The following TBXAS1 variants were observed in gnomAD, a reference collection of about 807,000 sequenced individuals.
TBXAS1 encodes the protein thromboxane A synthase 1.
In TBXAS1, 48 loss-of-function variants were observed where a neutral mutation model predicts 60.7. The ratio of observed to expected loss-of-function variants is 0.79; its 90% CI spans 0.63 to 1.01. The LOEUF (loss-of-function observed/expected upper bound fraction) is 1.01. Ranked by LOEUF, TBXAS1 falls within the 50% of genes least tolerant of loss-of-function variation. The pLI, the probability that TBXAS1 is intolerant of heterozygous loss-of-function variation, is 0.00. For missense variants in TBXAS1, 685 were observed against 686.3 expected, an observed-to-expected ratio of 1.00 and a Z score of 0.02; for synonymous variants, 287 against 269.7, an observed-to-expected ratio of 1.06 and a Z score of -0.63.
chr7:139,946,696 T>C (rs527604966), intron 5 of TBXAS1, among the ~76,000 whole-genome samples: 1 of 152,310 alleles, frequency 6.6e-6, no homozygotes, highest in Admixed American at 6.5e-5. Flanking sequence ...ACAACTACCA[T>C]GTTTACACCA....
At chr7:139,954,900 G>T (rs920685218) in intron 6 of TBXAS1, among the ~76,000 whole-genome samples, 1 of 152,174 alleles carries the variant, frequency 6.6e-6, no homozygotes, top group African/African-American at 2.4e-5. Context: ...AAGAGCCCTT[G>T]CTTTTTGTTC....
In TBXAS1 at chr7:139,999,386, TG is replaced by T. The variant is rs1392267575; in HGVS notation, c.1135-7703del. On this transcript the variant is annotated intron_variant, in intron 9 of 12. Transcript: ENST00000448866. This position sits in a 1 kb window ranked among gnomAD's most constrained non-coding sequence, Gnocchi z 4.3. ...TAAAAATACAATAACTACGTGGGCA[TG>T]GTGGTGAGCGCCTGTAATTCCAGCT... is the stretch of plus-strand genomic sequence containing the variant. Among the ~76,000 whole-genome samples the T allele has an allele frequency of 6.6e-6, 1 of 152,134 alleles. No homozygotes were observed. The highest frequency in any genetic ancestry group is 1.5e-5 in the Non-Finnish European group (1 of 68,020).
intron 1 of TBXAS1, among the ~76,000 whole-genome samples, chr7:139,859,581 G>A (rs1474508883): frequency 6.6e-6 from 1 of 152,114 alleles, no homozygotes; most frequent in Non-Finnish European, 1.5e-5. Context: ...CTTTTAAAAT[G>A]AATTCATTTC....
intron 5 of TBXAS1, chr7:139,952,605 G>A (rs1324548381): frequency 3.3e-6 from 5 of 1,537,076 alleles, no homozygotes; most frequent in Non-Finnish European, 4.4e-6. Context: ...TGGCCAGCAG[G>A]CTCCACAAAG....
chr7:139,946,620 C>T (rs1412912725), intron 5 of TBXAS1, among the ~76,000 whole-genome samples: 5 of 152,058 alleles, frequency 3.3e-5, no homozygotes, highest in Non-Finnish European at 7.4e-5. Flanking sequence ...CCCTGAGGAA[C>T]AAGAAAAGAG....
chr7:139,851,813 GAGGGC>G (rs1229271455), intron 1 of TBXAS1, among the ~76,000 whole-genome samples: 8 of 152,304 alleles, frequency 5.3e-5, no homozygotes, highest in Admixed American at 1.3e-4. Flanking sequence ...CAGCCTCCAA[GAGGGC>G]CCTCTGGATC....
intron 1 of TBXAS1, 126 bp downstream of exon 1, chr7:139,829,605 T>C: frequency 1.2e-6 from 1 of 843,120 alleles, no homozygotes; most frequent in Admixed American, 2.1e-5. Context: ...GAGTGAGTAT[T>C]AACACAGCTT....
At chr7:139,970,655 G>A (rs867324244) in intron 9 of TBXAS1, among the ~76,000 whole-genome samples, 56 of 152,290 alleles carry the variant, frequency 3.7e-4, no homozygotes, top group African/African-American at 1.3e-3. Flanking sequence ...TTATTGAGTG[G>A]GAGATGAAGT....
chr7:139,987,763 C>A (rs970844172), intron 9 of TBXAS1, among the ~76,000 whole-genome samples: 2 of 152,316 alleles, frequency 1.3e-5, no homozygotes, highest in African/African-American at 2.4e-5. Flanking sequence ...TAGTTCCAGA[C>A]GTTTTTTGTC....
chr7:139,838,789 G>A (rs996450543), intron 1 of TBXAS1, among the ~76,000 whole-genome samples: 2 of 152,200 alleles, frequency 1.3e-5, no homozygotes, highest in African/African-American at 4.8e-5. Flanking sequence ...GTGTGGCTGA[G>A]CTCTGTGAAC....
intron 3 of TBXAS1, among the ~76,000 whole-genome samples, chr7:139,784,157 TTCCC>T (rs1217006646): frequency 1.4e-5 from 2 of 147,966 alleles, no homozygotes; most frequent in Non-Finnish European, 3.0e-5. Context: ...GCCTTCCCCC[TTCCC>T]TCCCTCCCTC....
intron 4 of TBXAS1, among the ~76,000 whole-genome samples, chr7:139,817,046 TCCTTCCC>T (rs1569493914): frequency 2.0e-5 from 3 of 152,166 alleles, no homozygotes; most frequent in Non-Finnish European, 2.9e-5. Context: ...CCTCTCCTTG[TCCTTCCC>T]AATCAGTTGC....
At chr7:139,870,432 G>T (rs1310192764) in intron 1 of TBXAS1, among the ~76,000 whole-genome samples, 1 of 152,190 alleles carries the variant, frequency 6.6e-6, no homozygotes, top group Non-Finnish European at 1.5e-5. Flanking sequence ...ACACGAATTT[G>T]AGGATGTTAA....
chr7:139,986,785 GTGTGTGTGTGTGTGTATATATATATA>G lies in TBXAS1; in HGVS notation c.1135-20304_1135-20279del, dbSNP rs1569522795. Among the ~76,000 whole-genome samples the G allele has an allele frequency of 6.0e-3, 303 of 50,084 alleles. 7 individuals carry two copies. The East Asian group carries it at 0.14, about 23-fold the overall frequency. 32.9% of individuals were successfully genotyped at this position (50,084 alleles called of 152,430 possible). A position where few individuals can be genotyped will look rare whatever the true frequency, so the allele number is the denominator to read the frequency against. On this transcript the variant is annotated intron_variant, in intron 9 of 12. Coordinates refer to ENST00000448866, the MANE Select transcript of TBXAS1 (RefSeq NM_001061.7). ...TGTGTGTGTGTGTGTGTGTGTGTGT[GTGTGTGTGTGTGTGTATATATATATA>G]TATATACACCATAGTTTCTTTATCC...
chr7:139,804,565 G>T (rs1027487344), intron 4 of TBXAS1, among the ~76,000 whole-genome samples: 3 of 152,194 alleles, frequency 2.0e-5, no homozygotes, highest in Admixed American at 6.5e-5. Flanking sequence ...GAATTATATG[G>T]TTTGGCTGTG....
intron 3 of TBXAS1, among the ~76,000 whole-genome samples, chr7:139,885,418 A>G (rs1169236424): frequency 2.0e-5 from 3 of 152,262 alleles, no homozygotes; most frequent in South Asian, 4.1e-4. Context: ...ATAATAGAGT[A>G]TGTAAAACAG....
rs1803828130 is a variant in TBXAS1 at position 139,893,571 on chromosome 7, T to C, written c.237-17654T>C. Among the ~76,000 whole-genome samples the C allele has an allele frequency of 2.0e-5, 3 of 152,324 alleles. No homozygotes were observed. In the South Asian group the frequency reaches 6.2e-4, roughly 32 times the overall value. On this transcript the variant is annotated intron_variant, in intron 3 of 12. Transcript: ENST00000448866. The stretch of plus-strand genomic sequence containing the variant: ...TTTATGATTCTTACTGTGAAAAAAA[T>C]TGCTTGCCTAACATCTGTTCTGAAT...
chr7:139,933,725 A>G (rs1396911753), intron 4 of TBXAS1, among the ~76,000 whole-genome samples: 1 of 152,190 alleles, frequency 6.6e-6, no homozygotes, highest in Non-Finnish European at 1.5e-5. Context: ...AGGAGTTTTT[A>G]CAAGGCTTTT....
intron 1 of TBXAS1, among the ~76,000 whole-genome samples, chr7:139,844,201 A>G (rs1799653184): frequency 1.3e-5 from 2 of 152,234 alleles, no homozygotes; most frequent in East Asian, 1.9e-4. Flanking sequence ...GGGTATCCTG[A>G]CACCAGACTA....
Sources: allele counts gnomAD v4.1 joint callset (sites outside exome capture counted in the v4.1 genomes callset), GRCh38; gene constraint gnomAD v4.1.1; non-coding constraint Gnocchi (gnomAD v3.1); transcripts MANE v1.5; gene names NCBI Gene and HGNC (gene_info 2026-07-23, HGNC 2026-07-21).